NUDT3: variants seen among roughly 807,000 people sequenced by gnomAD.
NUDT3 encodes diphosphoinositol polyphosphate phosphohydrolase 1.
Under a neutral mutation model 23.6 loss-of-function variants are expected in NUDT3, and 9 were observed. That is an observed-to-expected ratio of 0.38 (90% CI 0.23 to 0.66). The LOEUF is 0.66. Ranked by LOEUF, NUDT3 falls within the 30% of genes least tolerant of loss-of-function variation. The pLI is 0.52. For missense variants in NUDT3, 172 were observed against 218.5 expected (o/e 0.79, Z 1.34); for synonymous variants, 86 against 82.6 (o/e 1.04, Z -0.22).
At chr6:34,302,101 G>A (rs1763606863) in intron 2 of NUDT3, among the ~76,000 whole-genome samples, 1 of 151,972 alleles carries the variant, frequency 6.6e-6, no homozygotes, top group Non-Finnish European at 1.5e-5. Flanking sequence ...GTGCAATCAT[G>A]GCTCACTGCA....
chr6:34,349,422 G>A (rs972498253), intron 1 of NUDT3, among the ~76,000 whole-genome samples: 7 of 143,634 alleles, frequency 4.9e-5, no homozygotes, highest in Non-Finnish European at 7.6e-5. Context: ...ATATGGAGGC[G>A]TCAGTGGAGG....
intron 2 of NUDT3, among the ~76,000 whole-genome samples, chr6:34,324,527 C>T (rs1763994103): frequency 3.9e-5 from 6 of 152,120 alleles, no homozygotes; most frequent in Admixed American, 3.3e-4. Flanking sequence ...GCCTTGGCCT[C>T]CCAAAGTATT....
chr6:34,379,495 G>A (rs1282806550), intron 1 of NUDT3, among the ~76,000 whole-genome samples: 1 of 152,072 alleles, frequency 6.6e-6, no homozygotes, highest in African/African-American at 2.4e-5. Flanking sequence ...GGGAGGCAGA[G>A]GTTGCAGTGA....
intron 2 of NUDT3, among the ~76,000 whole-genome samples, chr6:34,309,147 A>C (rs1004186211): frequency 6.6e-5 from 10 of 152,104 alleles, no homozygotes; most frequent in African/African-American, 2.4e-4. Flanking sequence ...TTGGGAGGCC[A>C]AGATGGGAGG....
At chr6:34,368,751 G>A (rs1247764968) in intron 1 of NUDT3, among the ~76,000 whole-genome samples, 1 of 152,122 alleles carries the variant, frequency 6.6e-6, no homozygotes, top group African/African-American at 2.4e-5. Flanking sequence ...CCATTCTCCT[G>A]CCTCAGCCTC....
At position 34,289,022 on chromosome 6, in the gene NUDT3, A is replaced by G. The variant is rs112367873; in HGVS notation, c.341-91T>C. 9.7e-3 allele frequency: 13,733 copies of G among 1,409,144 alleles called. 178 individuals carry two copies. The highest frequency in any genetic ancestry group is 0.043 in the African/African-American group (2,910 of 67,784). 87.3% of individuals were successfully genotyped at this position (1,409,144 alleles called of 1,614,324 possible). ...AGAAAATATAGAAAACATTAAAGCAATGTTTCTTAACACTTTTTTTCCTTA... is the reference window on the plus strand; with the variant it reads ...AGAAAATATAGAAAACATTAAAGCAGTGTTTCTTAACACTTTTTTTCCTTA... On this transcript the variant is annotated intron_variant, in intron 4 of 4. Coordinates refer to ENST00000607016, the MANE Select transcript of NUDT3 (RefSeq NM_006703.4).
At position 34,296,935 on chromosome 6, in the gene NUDT3, C is replaced by CTTTT. The variant is rs566118949; in HGVS notation, c.211-1254_211-1251dup. ...AGAGGGATAACTTCAGTGGTTAGAC[C>CTTTT]TTTTTTTTTTTTTTTTGAGACAGTC... is the stretch of plus-strand genomic sequence containing the variant. On this transcript the variant is annotated intron_variant, in intron 2 of 4. Coordinates refer to ENST00000607016, the MANE Select transcript of NUDT3 (RefSeq NM_006703.4). Among the ~76,000 whole-genome samples the CTTTT allele has an allele frequency of 5.6e-4, 76 of 134,694 alleles. 1 individual carries two copies. The highest frequency in any genetic ancestry group is 3.3e-3 in the South Asian group (14 of 4,198). The allele number at this position is 134,694 out of a possible 152,430, so 88.4% of individuals were successfully genotyped here.
intron 2 of NUDT3, among the ~76,000 whole-genome samples, chr6:34,325,861 G>A (rs1031870184): frequency 4.6e-5 from 7 of 152,208 alleles, no homozygotes; most frequent in Non-Finnish European, 1.5e-5. Context: ...CATACAATCT[G>A]TCTTAGGGAA....
chr6:34,292,207 T>C (rs761101331), intron 4 of NUDT3, among the ~76,000 whole-genome samples: 9 of 152,198 alleles, frequency 5.9e-5, no homozygotes, highest in African/African-American at 2.2e-4. Flanking sequence ...ACACTGAATT[T>C]ATTTCCTTGA....
chr6:34,315,374 C>G (rs915715240), intron 2 of NUDT3, among the ~76,000 whole-genome samples: 1 of 152,250 alleles, frequency 6.6e-6, no homozygotes, highest in African/African-American at 2.4e-5. Flanking sequence ...TTTAATATCA[C>G]ATCTATTCTA....
At chr6:34,386,523 C>T (rs908501390) in intron 1 of NUDT3, among the ~76,000 whole-genome samples, 2 of 152,034 alleles carry the variant, frequency 1.3e-5, no homozygotes, top group Non-Finnish European at 2.9e-5. Context: ...CACATCCTAA[C>T]CTGGATCAGA....
At chr6:34,307,919 G>T (rs991215131) in intron 2 of NUDT3, among the ~76,000 whole-genome samples, 1 of 151,714 alleles carries the variant, frequency 6.6e-6, no homozygotes, top group African/African-American at 2.4e-5. Context: ...AGGAGTTTGA[G>T]ACCAGCCTAG....
chr6:34,377,415 C>T (rs1389789834), intron 1 of NUDT3, among the ~76,000 whole-genome samples: 2 of 152,090 alleles, frequency 1.3e-5, no homozygotes, highest in African/African-American at 4.8e-5. Flanking sequence ...GTACTGTTTT[C>T]ATAAACTTGG....
chr6:34,366,597 G>T (rs183702321), intron 1 of NUDT3, among the ~76,000 whole-genome samples: 8 of 151,330 alleles, frequency 5.3e-5, no homozygotes, highest in African/African-American at 1.7e-4. Flanking sequence ...TCACTCTGTT[G>T]CCCGGGCTGG....
At chr6:34,297,760 A>ATATATATATATATTTTT (rs1763535832) in intron 2 of NUDT3, among the ~76,000 whole-genome samples, 2 of 53,652 alleles carry the variant, frequency 3.7e-5, no homozygotes, top group African/African-American at 1.1e-4. Flanking sequence ...TATATATATA[A>ATATATATATATATTTTT]TTTTTTTTTT....
Position 34,281,769 on chromosome 6 carries a change from G to T in NUDT3, c.*6984C>A, listed in dbSNP as rs16883137. On this transcript the variant is annotated 3_prime_UTR_variant, in exon 5 of 5. Coordinates refer to ENST00000607016, the MANE Select transcript of NUDT3 (RefSeq NM_006703.4). ...TCTCAGAGGCTAAACAACATTCTGG[G>T]AGCAAATTGGATTTTTGAAGGGAGA... The T allele has an allele frequency of 2.0e-5, 3 of 152,100 alleles. No homozygotes were observed. The highest frequency in any genetic ancestry group is 7.2e-5 in the African/African-American group (3 of 41,408). The allele number at this position is 152,100 out of a possible 1,614,324, so 9.4% of individuals were successfully genotyped here. A position where few individuals can be genotyped will look rare whatever the true frequency, so the allele number is the denominator to read the frequency against.
In NUDT3 at chr6:34,288,317, C is replaced by A. The variant is rs937409045; in HGVS notation, c.*436G>T. Reference sequence around the variant, plus strand: ...AAAGTGACCACTCTACTGAACTGTACAGCACATTATAGGACAAATTATTGG... The same window carrying A: ...AAAGTGACCACTCTACTGAACTGTAAAGCACATTATAGGACAAATTATTGG... On this transcript the variant is annotated 3_prime_UTR_variant, in exon 5 of 5. Coordinates refer to ENST00000607016, the MANE Select transcript of NUDT3 (RefSeq NM_006703.4). 6.4e-6 allele frequency: 1 copy of A among 157,242 alleles called. No homozygotes were observed. Among genetic ancestry groups the A allele is most frequent in the African/African-American group, 2.4e-5 (1 of 41,390 alleles). The allele number at this position is 157,242 out of a possible 1,614,324, so 9.7% of individuals were successfully genotyped here.
intron 1 of NUDT3, among the ~76,000 whole-genome samples, chr6:34,378,867 G>A (rs528104976): frequency 4.6e-5 from 7 of 152,244 alleles, no homozygotes; most frequent in East Asian, 1.9e-4. Context: ...AATACACTCC[G>A]CATCCCTGCA....
chr6:34,336,315 TG>T (rs1351948561), intron 2 of NUDT3, among the ~76,000 whole-genome samples: 1 of 152,150 alleles, frequency 6.6e-6, no homozygotes, highest in Non-Finnish European at 1.5e-5. Flanking sequence ...TGGGGGAGTT[TG>T]GGAGGGGTGT....
Sources: gnomAD v4.1 joint callset for allele counts (sites outside exome capture counted in the v4.1 genomes callset) on GRCh38, gnomAD v4.1.1 for gene constraint, MANE v1.5 for transcripts, NCBI Gene and HGNC (gene_info 2026-07-23, HGNC 2026-07-21) for gene names.